COG4: variants seen among roughly 807,000 people sequenced by gnomAD.
The protein encoded by COG4 is conserved oligomeric Golgi complex subunit 4.
Under a neutral mutation model 95.1 loss-of-function variants are expected in COG4, and 65 were observed. The ratio of observed to expected loss-of-function variants is 0.68; its 90% CI spans 0.56 to 0.84. The LOEUF is 0.84. COG4 is among the 40% of genes least tolerant of loss of function. COG4 has a pLI of 0.00. For synonymous variants in COG4, 421 were observed against 374.8 expected, an observed-to-expected ratio of 1.12 and a Z score of -1.42; for missense variants, 1,045 against 989.1, an observed-to-expected ratio of 1.06 and a Z score of -0.76.
intron 8 of COG4, among the ~76,000 whole-genome samples, chr16:70,504,018 C>A (rs1292902467): frequency 2.0e-5 from 3 of 152,186 alleles, no homozygotes; most frequent in African/African-American, 4.8e-5. Context: ...CTCAGTATAT[C>A]ACAGTGGCTG....
intron 13 of COG4, among the ~76,000 whole-genome samples, chr16:70,487,781 T>C (rs539536969): frequency 2.1e-4 from 32 of 152,300 alleles, no homozygotes; most frequent in Admixed American, 1.6e-3. Context: ...CATGCTGTTA[T>C]TTTTATTTTG....
rs991795515 is a variant in COG4, at chr16:70,481,792, T to C, written c.2078A>G (p.Lys693Arg). Residue 693 changes from lysine to arginine, a missense_variant, in exon 17 of 19, where the codon AAA becomes AGA. Lys to Arg is a conservative substitution (Grantham distance 26). Coordinates refer to ENST00000323786, the MANE Select transcript of COG4 (RefSeq NM_015386.3). The part of the protein sequence containing the change: ...MTSLVAVELE[K>R]VVLKSTFNRL... ...GTTAAAGGTGGATTTCAGCACCACTTTCTCCAACTCGACGGCAACAAGGCT... is the reference window on the plus strand; with the variant it reads ...GTTAAAGGTGGATTTCAGCACCACTCTCTCCAACTCGACGGCAACAAGGCT... 12 of 1,613,962 alleles carry C rather than the reference T, an allele frequency of 7.4e-6. No individual in the cohort carries two copies. The highest frequency in any genetic ancestry group is 1.0e-5 in the Non-Finnish European group (12 of 1,180,014).
At chr16:70,522,011 T>C (rs1045094878) in intron 1 of COG4, among the ~76,000 whole-genome samples, 2 of 150,532 alleles carry the variant, frequency 1.3e-5, no homozygotes, top group African/African-American at 4.9e-5. Context: ...TTTTTTTTTT[T>C]TAAGAGACAC....
intron 8 of COG4, among the ~76,000 whole-genome samples, chr16:70,504,784 G>T (rs185555433): frequency 6.6e-6 from 1 of 151,476 alleles, no homozygotes; most frequent in African/African-American, 2.4e-5. Context: ...CTGGTGGGGC[G>T]CCTGTAATCC....
intron 12 of COG4, among the ~76,000 whole-genome samples, chr16:70,491,824 CAAAA>C (rs772831502): frequency 0.2 from 11,575 of 59,348 alleles, 1,770 homozygotes; most frequent in African/African-American, 0.46. Context: ...AACTACGTCT[CAAAA>C]AAAAAAAAAA....
intron 13 of COG4, among the ~76,000 whole-genome samples, chr16:70,489,363 G>A (rs888182377): frequency 1.3e-5 from 2 of 151,038 alleles, no homozygotes; most frequent in African/African-American, 4.9e-5. Context: ...GATTACAGGC[G>A]CCTGCCACCA....
At position 70,501,238 on chromosome 16, in the gene COG4, C is replaced by T. The variant is rs949915842; in HGVS notation, c.1062-147G>A. 14 of 758,436 alleles carry T rather than the reference C, an allele frequency of 1.8e-5. No homozygotes were observed. In the African/African-American group the frequency reaches 2.4e-4, roughly 13 times the overall value. 47.0% of individuals were successfully genotyped at this position (758,436 alleles called of 1,614,324 possible). On this transcript the variant is annotated intron_variant, in intron 8 of 18. Coordinates refer to ENST00000323786, the MANE Select transcript of COG4 (RefSeq NM_015386.3). ...GATGGCCCTCCTAGCTCTGCTGGCC[C>T]AATTAGAATCAGAGATAGCTGTCAA... is the stretch of plus-strand genomic sequence containing the variant.
At position 70,481,109 on chromosome 16, in the gene COG4, G is replaced by T. The variant is rs200772778; in HGVS notation, c.2271C>A (p.Ser757=). ...GGGTGAGGCGCCACGTCAATGGGCCGGAATTGGGTCCCCAGTAATCGAGGA... is the reference window on the plus strand; with the variant it reads ...GGGTGAGGCGCCACGTCAATGGGCCTGAATTGGGTCCCCAGTAATCGAGGA... The part of the protein sequence containing the change: ...TEILDYWGPN[S]GPLTWRLTPA... The change falls in exon 19 of 19, where the codon TCC becomes TCA. Residue 757 remains serine, a synonymous_variant. Coordinates refer to ENST00000323786, the MANE Select transcript of COG4 (RefSeq NM_015386.3). 6.2e-7 allele frequency: 1 copy of T among 1,613,448 alleles called. No individual in the cohort carries two copies. The highest frequency in any genetic ancestry group is 8.5e-7 in the Non-Finnish European group (1 of 1,180,032).
chr16:70,497,683 G>C (rs560555826), intron 10 of COG4, among the ~76,000 whole-genome samples: 59 of 152,050 alleles, frequency 3.9e-4, no homozygotes, highest in African/African-American at 1.3e-3. Context: ...GGGAGGTAGG[G>C]AACAAGTGGG....
At chr16:70,499,859 A>C (rs2151750988) in intron 9 of COG4, among the ~76,000 whole-genome samples, 1 of 152,218 alleles carries the variant, frequency 6.6e-6, no homozygotes, top group East Asian at 1.9e-4. Context: ...ACGGAGTTTC[A>C]CCACGTTAGC....
intron 1 of COG4, among the ~76,000 whole-genome samples, chr16:70,522,761 G>T: frequency 6.6e-6 from 1 of 152,140 alleles, no homozygotes; most frequent in East Asian, 1.9e-4. Context: ...TGAACTGAAA[G>T]GAATTGGAGA....
intron 8 of COG4, among the ~76,000 whole-genome samples, chr16:70,505,511 C>G (rs2049545084): frequency 6.8e-6 from 1 of 146,834 alleles, no homozygotes; most frequent in African/African-American, 2.5e-5. Flanking sequence ...GGATTTTCTT[C>G]TAAGAAGCAC....
chr16:70,486,492 G>C (rs766937719), intron 13 of COG4, among the ~76,000 whole-genome samples: 1 of 152,176 alleles, frequency 6.6e-6, no homozygotes, highest in Non-Finnish European at 1.5e-5. Context: ...CTATCTCAAA[G>C]GGCTGCTGAT....
intron 13 of COG4, among the ~76,000 whole-genome samples, chr16:70,486,136 C>A (rs535812393): frequency 6.6e-6 from 1 of 152,216 alleles, no homozygotes; most frequent in East Asian, 1.9e-4. Flanking sequence ...ACCTTGTGAT[C>A]CGCCCGCCTT....
chr16:70,496,202 T>A (rs1597666857), intron 12 of COG4, 64 bp downstream of exon 12: 3 of 1,563,308 alleles, frequency 1.9e-6, no homozygotes, highest in Non-Finnish European at 2.6e-6. Flanking sequence ...ATACTGTGGC[T>A]TAGCAGTGAT....
intron 13 of COG4, among the ~76,000 whole-genome samples, chr16:70,484,853 T>G (rs1292234977): frequency 6.6e-6 from 1 of 152,114 alleles, no homozygotes. Context: ...GAGCTATGAC[T>G]GCCACTGCAC....
chr16:70,514,133 C>A (rs765031107), intron 4 of COG4, among the ~76,000 whole-genome samples: 16 of 151,892 alleles, frequency 1.1e-4, no homozygotes, highest in African/African-American at 3.1e-4. Context: ...TCGCTTGAAC[C>A]CAGAAGGCGG....
chr16:70,520,264 T>C (rs561302813), intron 1 of COG4, among the ~76,000 whole-genome samples: 1 of 151,718 alleles, frequency 6.6e-6, no homozygotes, highest in East Asian at 1.9e-4. Context: ...TGAAACCCTG[T>C]CTCTACTAAA....
intron 2 of COG4, among the ~76,000 whole-genome samples, chr16:70,519,329 T>G (rs1333428593): frequency 4.8e-5 from 2 of 41,394 alleles, no homozygotes; most frequent in Non-Finnish European, 7.6e-5. Flanking sequence ...GGGTTTCACC[T>G]TGTTAGCCAG....
Sources: gnomAD v4.1 joint callset for allele counts (sites outside exome capture counted in the v4.1 genomes callset) on GRCh38, gnomAD v4.1.1 for gene constraint, MANE v1.5 for transcripts, NCBI Gene and HGNC (gene_info 2026-07-23, HGNC 2026-07-21) for gene names.